Variants in ZNF423 observed in about 807,000 individuals in gnomAD.
ZNF423 encodes the protein Ebf-associated zinc finger protein.
A neutral mutation model predicts 95.8 loss-of-function variants in ZNF423; 12 were observed. The ratio of observed to expected loss-of-function variants is 0.13; its 90% CI spans 0.08 to 0.20. ZNF423 has a LOEUF of 0.20. ZNF423 is among the 10% of genes least tolerant of loss of function. The probability of loss-of-function intolerance (pLI) is 1.00; values close to 1 mark genes in which losing one functional copy is unlikely to be tolerated. For missense variants in ZNF423, 1,316 were observed against 1,737.1 expected, an observed-to-expected ratio of 0.76 and a Z score of 4.31; for synonymous variants, 749 against 711.9, an observed-to-expected ratio of 1.05 and a Z score of -0.83.
rs545977248 is a variant in ZNF423, at chr16:49,855,511, T to TCCGCCGCCGCCGCCGCCGCCGCCGCCG, written c.40+223_40+224insCGGCGGCGGCGGCGGCGGCGGCGGCGG. ...GGGAGGGTGTCCGCGGCGTACCCCC[T>TCCGCCGCCGCCGCCGCCGCCGCCGCCG]CCGCCGCCGCCGCCGCCGCCGCCGC... On this transcript the variant is annotated intron_variant, in intron 1 of 7. Transcript: ENST00000563137. This position sits in a 1 kb window ranked among gnomAD's most constrained non-coding sequence, Gnocchi z 4.7. Among the ~76,000 whole-genome samples, 1 of 143,842 alleles carries TCCGCCGCCGCCGCCGCCGCCGCCGCCG rather than the reference T, an allele frequency of 7.0e-6. No individual in the cohort carries two copies. The highest frequency in any genetic ancestry group is 6.8e-5 in the Admixed American group (1 of 14,774). The allele number at this position is 143,842 out of a possible 152,430, so 94.4% of individuals were successfully genotyped here.
intron 3 of ZNF423, among the ~76,000 whole-genome samples, chr16:49,688,709 T>C (rs2031664180): frequency 6.6e-6 from 1 of 152,252 alleles, no homozygotes; most frequent in Non-Finnish European, 1.5e-5. Context: ...AAGATGATTG[T>C]GTTATTCACG....
chr16:49,794,884 T>C (rs1597015935), intron 1 of ZNF423, among the ~76,000 whole-genome samples: 1 of 152,184 alleles, frequency 6.6e-6, no homozygotes, highest in South Asian at 2.1e-4. Context: ...AAAACAAAAA[T>C]TTTATTTTTG....
At chr16:49,593,047 T>G (rs1221572842) in intron 5 of ZNF423, among the ~76,000 whole-genome samples, 3 of 152,132 alleles carry the variant, frequency 2.0e-5, no homozygotes, top group African/African-American at 7.2e-5. Flanking sequence ...AAGATGGATT[T>G]GGAGGAAAGG....
chr16:49,813,818 G>A (rs2034793401), intron 1 of ZNF423, among the ~76,000 whole-genome samples: 1 of 152,212 alleles, frequency 6.6e-6, no homozygotes, highest in Non-Finnish European at 1.5e-5. Flanking sequence ...CCATGGAGAT[G>A]GTCCTGCCAT....
chr16:49,635,151 G>A lies in ZNF423; in HGVS notation c.3516+509C>T, dbSNP rs900833098. 1.3e-5 allele frequency among the ~76,000 whole-genome samples: 2 copies of A among 152,190 alleles called. No individual in the cohort carries two copies. The highest frequency in any genetic ancestry group is 4.8e-5 in the African/African-American group (2 of 41,446). On this transcript the variant is annotated intron_variant, in intron 4 of 7. Transcript: ENST00000563137. This position sits in a 1 kb window ranked among gnomAD's most constrained non-coding sequence, Gnocchi z 4.8. ...CCAGCACCACTGAGCCATGAGTGCTGGGCTCTCGGCCCCTTGTGTGTGTGT... is the reference window on the plus strand; with the variant it reads ...CCAGCACCACTGAGCCATGAGTGCTAGGCTCTCGGCCCCTTGTGTGTGTGT...
intron 1 of ZNF423, among the ~76,000 whole-genome samples, chr16:49,838,543 G>A (rs953340029): frequency 1.3e-5 from 2 of 152,138 alleles, no homozygotes; most frequent in Non-Finnish European, 2.9e-5. Context: ...CCAAAGCGGA[G>A]GCCCGATCGG....
At chr16:49,705,864 T>C (rs1437428129) in intron 3 of ZNF423, among the ~76,000 whole-genome samples, 1 of 152,144 alleles carries the variant, frequency 6.6e-6, no homozygotes, top group Non-Finnish European at 1.5e-5. Context: ...TAAGTTTATA[T>C]AGCAAGCATA....
rs183346015 is a variant in ZNF423 at position 49,643,708 on chromosome 16, T to C, written c.302-4834A>G. Among the ~76,000 whole-genome samples, 9 of 151,820 alleles carry C rather than the reference T, an allele frequency of 5.9e-5. No homozygotes were observed. The East Asian group carries it at 9.7e-4, about 16-fold the overall frequency. On this transcript the variant is annotated intron_variant, in intron 3 of 7. Coordinates refer to ENST00000563137, the MANE Select transcript of ZNF423 (RefSeq NM_001379286.1). ...AAAAAACACACACACACTTGCAAAA[T>C]GGAGATTAAAGTCATTTAAAAATGA... is the stretch of plus-strand genomic sequence containing the variant.
intron 2 of ZNF423, among the ~76,000 whole-genome samples, chr16:49,778,394 C>G (rs12596493): frequency 0.2 from 30,054 of 152,186 alleles, 3,049 homozygotes; most frequent in South Asian, 0.26. Context: ...TGTGGTCAAG[C>G]TGATTTTGGC....
At chr16:49,731,114 A>G in intron 2 of ZNF423, 143 bp from the exon 3 acceptor site, 1 of 992,194 alleles carries the variant, frequency 1.0e-6, no homozygotes, top group Non-Finnish European at 1.5e-6. Context: ...CAGTATATTA[A>G]TAGATGGGGT....
intron 3 of ZNF423, among the ~76,000 whole-genome samples, chr16:49,646,847 C>G (rs1188190003): frequency 2.0e-5 from 3 of 152,200 alleles, no homozygotes; most frequent in African/African-American, 7.2e-5. Context: ...GCTGGGATCA[C>G]AGGCGTGAGC....
intron 5 of ZNF423, among the ~76,000 whole-genome samples, chr16:49,567,211 A>C (rs1970222067): frequency 6.6e-6 from 1 of 152,134 alleles, no homozygotes; most frequent in Admixed American, 6.5e-5. Flanking sequence ...TGACAAACTG[A>C]ACCTCCCCAC....
intron 3 of ZNF423, among the ~76,000 whole-genome samples, chr16:49,701,147 TAA>T (rs1345074299): frequency 6.6e-6 from 1 of 152,236 alleles, no homozygotes; most frequent in Non-Finnish European, 1.5e-5. Flanking sequence ...TTAACATGTT[TAA>T]GTCTTGTAAC....
At chr16:49,647,231 A>T (rs1973210838) in intron 3 of ZNF423, among the ~76,000 whole-genome samples, 1 of 152,260 alleles carries the variant, frequency 6.6e-6, no homozygotes, top group African/African-American at 2.4e-5. Context: ...ATTGAGGCAA[A>T]GTCAGTGGTG....
chr16:49,608,601 C>T (rs1053643236), intron 5 of ZNF423, among the ~76,000 whole-genome samples: 10 of 152,184 alleles, frequency 6.6e-5, no homozygotes, highest in Admixed American at 2.0e-4. Flanking sequence ...AGTGACAAAG[C>T]GGTGAGGATC....
At chr16:49,858,358 C>G (rs1035820086), upstream of ZNF423, among the ~76,000 whole-genome samples, 1 of 151,946 alleles carries the variant, frequency 6.6e-6, no homozygotes, top group African/African-American at 2.4e-5. The surrounding 1 kb of genome is among the most constrained non-coding windows in gnomAD (Gnocchi z 4.3). Flanking sequence ...TCGCCAACCC[C>G]GTGCTGGGCT....
At chr16:49,726,378 C>T (rs1201131068) in intron 3 of ZNF423, among the ~76,000 whole-genome samples, 2 of 152,162 alleles carry the variant, frequency 1.3e-5, no homozygotes, top group African/African-American at 4.8e-5. Flanking sequence ...CACCATCACC[C>T]CATGGGCAAA....
intron 3 of ZNF423, among the ~76,000 whole-genome samples, chr16:49,728,263 G>A (rs2033078904): frequency 6.6e-6 from 1 of 152,266 alleles, no homozygotes; most frequent in African/African-American, 2.4e-5. Context: ...AAGAACCGAA[G>A]ACCTGGGGGA....
intron 1 of ZNF423, among the ~76,000 whole-genome samples, chr16:49,799,301 C>A (rs1052060822): frequency 1.3e-5 from 2 of 152,210 alleles, no homozygotes; most frequent in Admixed American, 1.3e-4. Flanking sequence ...ATAATTCAAG[C>A]TCCCCTTCTC....
Sources: allele counts gnomAD v4.1 joint callset (sites outside exome capture counted in the v4.1 genomes callset), GRCh38; gene constraint gnomAD v4.1.1; non-coding constraint Gnocchi (gnomAD v3.1); transcripts MANE v1.5; gene names NCBI Gene and HGNC (gene_info 2026-07-23, HGNC 2026-07-21).